The following TNPO1 variants were observed in gnomAD, a reference collection of about 807,000 sequenced individuals.
The protein encoded by TNPO1 is transportin-1.
Under a neutral mutation model 119.5 loss-of-function variants are expected in TNPO1, and 8 were observed. The observed-to-expected ratio is 0.07, with a 90% confidence interval of 0.04 to 0.12. TNPO1 has a LOEUF of 0.12. Ranked by LOEUF, TNPO1 falls within the 10% of genes least tolerant of loss-of-function variation. The probability of loss-of-function intolerance (pLI) is 1.00; values close to 1 mark genes in which losing one functional copy is unlikely to be tolerated. For synonymous variants in TNPO1, 362 were observed against 363.0 expected, an observed-to-expected ratio of 1.00 and a Z score of 0.03; for missense variants, 576 against 1,089.8, an observed-to-expected ratio of 0.53 and a Z score of 6.64.
chr5:72,843,142 G>T (rs1009480901), intron 1 of TNPO1, among the ~76,000 whole-genome samples: 1 of 152,154 alleles, frequency 6.6e-6, no homozygotes, highest in Non-Finnish European at 1.5e-5. Flanking sequence ...TCACCATGAA[G>T]AATTGTCCTA....
chr5:72,891,518 G>A (rs1749054865), intron 14 of TNPO1, among the ~76,000 whole-genome samples: 1 of 152,102 alleles, frequency 6.6e-6, no homozygotes, highest in Non-Finnish European at 1.5e-5. Context: ...TTAAGTAATA[G>A]ATTTTGATTA....
chr5:72,884,802 T>C (rs757563018), intron 11 of TNPO1, among the ~76,000 whole-genome samples: 5 of 152,194 alleles, frequency 3.3e-5, no homozygotes, highest in Admixed American at 6.5e-5. Flanking sequence ...AATTCTTTGT[T>C]GCGGAGGCTG....
intron 1 of TNPO1, among the ~76,000 whole-genome samples, chr5:72,838,360 T>G (rs1744776445): frequency 6.6e-6 from 1 of 152,250 alleles, no homozygotes; most frequent in Non-Finnish European, 1.5e-5. Flanking sequence ...ATAATGGTTA[T>G]CCCAGTGTGC....
At chr5:72,879,366 A>G (rs1185819993) in intron 9 of TNPO1, among the ~76,000 whole-genome samples, 1 of 152,252 alleles carries the variant, frequency 6.6e-6, no homozygotes, top group East Asian at 1.9e-4. Context: ...TGTTAAAAAT[A>G]TGGAATTATA....
At chr5:72,903,842 C>CT in intron 23 of TNPO1, 59 bp downstream of exon 23, 1 of 1,166,240 alleles carries the variant, frequency 8.6e-7, no homozygotes, top group Non-Finnish European at 1.2e-6. Flanking sequence ...TAGTGGAAAA[C>CT]TTTAAATTAT....
At position 72,888,320 on chromosome 5, in the gene TNPO1, A is replaced by G; in HGVS notation, c.1529+17A>G. The G allele has an allele frequency of 6.2e-7, 1 of 1,604,576 alleles. No homozygotes were observed. Among genetic ancestry groups the G allele is most frequent in the East Asian group, 2.2e-5 (1 of 44,810 alleles). On this transcript the variant is annotated intron_variant, in intron 13 of 24. Coordinates refer to ENST00000337273, the MANE Select transcript of TNPO1 (RefSeq NM_002270.4). ...TGCCTGCAGGTGGGACAGATTCATA[A>G]CACAGTGTTCTTTGTGGCAGTGAAA...
chr5:72,843,633 A>G lies in TNPO1; in HGVS notation c.16-4752A>G, dbSNP rs77936845. On this transcript the variant is annotated intron_variant, in intron 1 of 24. Transcript: ENST00000337273. ...CAAACCCAAAAAACAAAAAACTACTATGTTATTGAAGGACAATTGTACCTT... is the reference window on the plus strand; with the variant it reads ...CAAACCCAAAAAACAAAAAACTACTGTGTTATTGAAGGACAATTGTACCTT... Among the ~76,000 whole-genome samples, 903 of 151,776 alleles carry G rather than the reference A, an allele frequency of 5.9e-3. 6 individuals carry two copies. The highest frequency in any genetic ancestry group is 0.021 in the African/African-American group (882 of 41,430).
At chr5:72,892,156 G>GAT (rs1457749130) in intron 15 of TNPO1, among the ~76,000 whole-genome samples, 5 of 151,772 alleles carry the variant, frequency 3.3e-5, no homozygotes, top group Admixed American at 2.0e-4. Context: ...ATACTGGGAG[G>GAT]ATATATATAC....
intron 4 of TNPO1, among the ~76,000 whole-genome samples, chr5:72,858,999 C>A (rs1439393497): frequency 2.1e-5 from 3 of 144,966 alleles, no homozygotes; most frequent in African/African-American, 7.7e-5. Context: ...TCTTAGTTTA[C>A]ATGAGAAAAA....
intron 1 of TNPO1, among the ~76,000 whole-genome samples, chr5:72,820,387 T>G (rs1422328660): frequency 6.6e-6 from 1 of 152,196 alleles, no homozygotes; most frequent in Non-Finnish European, 1.5e-5. Context: ...ATAATGAACT[T>G]ATTAATATAA....
At chr5:72,851,352 GTTTC>G (rs747974722) in intron 3 of TNPO1, 33 bp downstream of exon 3, 60 of 1,230,324 alleles carry the variant, frequency 4.9e-5, no homozygotes, top group Admixed American at 3.2e-4. Flanking sequence ...ACTATTTAAA[GTTTC>G]TTTAAGACCT....
intron 7 of TNPO1, among the ~76,000 whole-genome samples, chr5:72,872,927 T>C (rs960140125): frequency 6.6e-6 from 1 of 152,148 alleles, no homozygotes; most frequent in Non-Finnish European, 1.5e-5. Flanking sequence ...TTTACTAATT[T>C]TTCTACTTGT....
chr5:72,898,357 A>C (rs1749588683), intron 20 of TNPO1, among the ~76,000 whole-genome samples: 2 of 152,112 alleles, frequency 1.3e-5, no homozygotes, highest in Non-Finnish European at 2.9e-5. Flanking sequence ...TTTGTTTAAC[A>C]AATTGGCTTT....
intron 3 of TNPO1, among the ~76,000 whole-genome samples, chr5:72,855,162 A>G (rs1301826595): frequency 6.6e-6 from 1 of 151,884 alleles, no homozygotes; most frequent in Non-Finnish European, 1.5e-5. Flanking sequence ...TGCCTGGCTA[A>G]TTTGGGGGTT....
chr5:72,848,352 T>C (rs746258390), intron 1 of TNPO1, 33 bp from the exon 2 acceptor site: 1 of 1,597,698 alleles, frequency 6.3e-7, no homozygotes, highest in Non-Finnish European at 8.5e-7. Context: ...TAACAGTTGC[T>C]CCGTCTCTTC....
At chr5:72,873,828 A>T (rs1225721859) in intron 7 of TNPO1, among the ~76,000 whole-genome samples, 1 of 152,126 alleles carries the variant, frequency 6.6e-6, no homozygotes, top group Non-Finnish European at 1.5e-5. Context: ...TTGGATTGTT[A>T]TAAACCTAGT....
intron 1 of TNPO1, 36 bp from the exon 2 acceptor site, chr5:72,848,349 T>TG (rs1355639251): frequency 6.9e-6 from 11 of 1,595,312 alleles, no homozygotes; most frequent in African/African-American, 1.3e-5. Flanking sequence ...GAGTAACAGT[T>TG]GCTCCGTCTC....
In TNPO1 at chr5:72,900,765, A is replaced by G. The variant is rs528385498; in HGVS notation, c.2415-209A>G. On this transcript the variant is annotated intron_variant, in intron 21 of 24. Transcript: ENST00000337273. ...TTTATAAATGCAATTTATTAAGAAA[A>G]TGTGGATTTCACTGTTTCTACTGTA... 370 of 364,876 alleles carry G rather than the reference A, an allele frequency of 1.0e-3. 1 individual carries two copies. The highest frequency in any genetic ancestry group is 2.6e-3 in the Admixed American group (56 of 21,706). The allele number at this position is 364,876 out of a possible 1,614,324, so 22.6% of individuals were successfully genotyped here. A position where few individuals can be genotyped will look rare whatever the true frequency, so the allele number is the denominator to read the frequency against.
intron 24 of TNPO1, among the ~76,000 whole-genome samples, chr5:72,906,511 C>G (rs1045601181): frequency 6.6e-6 from 1 of 151,906 alleles, no homozygotes; most frequent in Non-Finnish European, 1.5e-5. Context: ...GGGCTGGTCT[C>G]GAACTCCTGA....
Sources: gnomAD v4.1 joint callset for allele counts (sites outside exome capture counted in the v4.1 genomes callset) on GRCh38, gnomAD v4.1.1 for gene constraint, MANE v1.5 for transcripts, NCBI Gene and HGNC (gene_info 2026-07-23, HGNC 2026-07-21) for gene names.